SRP68: variants seen among roughly 807,000 people sequenced by gnomAD.
SRP68 encodes the protein signal recognition particle subunit SRP68.
In SRP68, 15 loss-of-function variants were observed where a neutral mutation model predicts 82.2. The ratio of observed to expected loss-of-function variants is 0.18; its 90% CI spans 0.12 to 0.28. The LOEUF is 0.28. SRP68 is among the 10% of genes least tolerant of loss of function. The pLI is 1.00. For missense variants in SRP68, 595 were observed against 780.5 expected (o/e 0.76, Z 2.83); for synonymous variants, 261 against 292.6 (o/e 0.89, Z 1.10).
rs748737249 is a variant in SRP68, at chr17:76,072,471, G to A, written c.21C>T (p.Val7=). ...TGCCGCCGCCGCCGCCGCCGCCTGG[G>A]ACCTGCTTCTCAGCAGCCATCTTGC... MAAEKQ[V]PGGGGGGGSG... The change falls in exon 1 of 16, where the codon GTC becomes GTT. Residue 7 remains valine, a synonymous_variant. Transcript: ENST00000307877. This position sits in a 1 kb window ranked among gnomAD's most constrained non-coding sequence, Gnocchi z 4.5. The A allele has an allele frequency of 3.8e-6, 6 of 1,581,938 alleles. No individual in the cohort carries two copies. In the African/African-American group the frequency reaches 4.0e-5, roughly 11 times the overall value.
intron 14 of SRP68, 110 bp downstream of exon 14, chr17:76,040,793 A>C: frequency 9.5e-7 from 1 of 1,056,410 alleles, no homozygotes; most frequent in Non-Finnish European, 1.4e-6. Flanking sequence ...CATCTTACAG[A>C]TGAACCAAGA....
At chr17:76,050,571 C>T in intron 8 of SRP68, 45 bp from the exon 9 acceptor site, 1 of 1,490,108 alleles carries the variant, frequency 6.7e-7, no homozygotes, top group Non-Finnish European at 9.4e-7. Context: ...TTTGAGCAAA[C>T]CATAGTCACC....
In SRP68 at chr17:76,072,157, G is replaced by T; in HGVS notation, c.184+151C>A. 1 of 1,236,398 alleles carries T rather than the reference G, an allele frequency of 8.1e-7. No homozygotes were observed. Among genetic ancestry groups the T allele is most frequent in the Non-Finnish European group, 1.1e-6 (1 of 900,304 alleles). 76.6% of individuals were successfully genotyped at this position (1,236,398 alleles called of 1,614,324 possible). On this transcript the variant is annotated intron_variant, in intron 1 of 15. Coordinates refer to ENST00000307877, the MANE Select transcript of SRP68 (RefSeq NM_014230.4). The surrounding 1 kb of genome is among the most constrained non-coding windows in gnomAD (Gnocchi z 4.5). ...ACTAGTCGAGAGACAGACCCCCCCC[G>T]GAATTCTGAGCACCAAAAGGTAAGG...
intron 8 of SRP68, chr17:76,053,355 G>A: frequency 1.9e-6 from 1 of 527,350 alleles, no homozygotes; most frequent in Non-Finnish European, 2.4e-6. Context: ...TTAATTCCAT[G>A]CAATCCAACA....
rs199952983 is a variant in SRP68, at chr17:76,039,807, G to A, written c.1783C>T (p.Leu595Phe). 3.4e-5 allele frequency: 55 copies of A among 1,614,126 alleles called. No homozygotes were observed. Among genetic ancestry groups the A allele is most frequent in the Non-Finnish European group, 4.2e-5 (50 of 1,180,060 alleles). Residue 595 changes from leucine to phenylalanine, a missense_variant, in exon 16 of 16, where the codon CTC becomes TTC. Transcript: ENST00000307877. ...AGGGGTGGGAAAGCCACATGGTTGA[G>A]GGCCAGGTCAAAGAACAAAGGCTTG... The part of the protein sequence containing the change: ...PCKPLFFDLA[L>F]NHVAFPPLED...
At chr17:76,056,173 T>C (rs546204371) in intron 8 of SRP68, among the ~76,000 whole-genome samples, 49 of 152,294 alleles carry the variant, frequency 3.2e-4, no homozygotes, top group African/African-American at 1.1e-3. Context: ...GGTACGTGTC[T>C]GTAGCCCCAC....
At chr17:76,070,850 G>GCACATGCACACGCACA (rs149422993) in intron 1 of SRP68, among the ~76,000 whole-genome samples, 1 of 146,780 alleles carries the variant, frequency 6.8e-6, no homozygotes, top group African/African-American at 2.5e-5. Flanking sequence ...ACATGCACAT[G>GCACATGCACACGCACA]CACACACACA....
rs942843034 is a variant in SRP68, at chr17:76,071,003, T to C, written c.185-559A>G. Among the ~76,000 whole-genome samples, 4 of 152,108 alleles carry C rather than the reference T, an allele frequency of 2.6e-5. No homozygotes were observed. Among genetic ancestry groups the C allele is most frequent in the Admixed American group, 6.5e-5 (1 of 15,270 alleles). ...GCCTGAACTGTTACTACTTGCAAAC[T>C]GAAAAAGGAGGGCACTACTGGCCAC... On this transcript the variant is annotated intron_variant, in intron 1 of 15. Coordinates refer to ENST00000307877, the MANE Select transcript of SRP68 (RefSeq NM_014230.4). This position sits in a 1 kb window ranked among gnomAD's most constrained non-coding sequence, Gnocchi z 4.7.
At chr17:76,069,761 T>C (rs1021971772) in intron 2 of SRP68, among the ~76,000 whole-genome samples, 2 of 147,242 alleles carry the variant, frequency 1.4e-5, no homozygotes, top group Admixed American at 6.9e-5. Context: ...TACCAGGGTA[T>C]AGATTATTTA....
chr17:76,050,085 T>C (rs1213483363), intron 9 of SRP68, among the ~76,000 whole-genome samples: 1 of 152,126 alleles, frequency 6.6e-6, no homozygotes. Context: ...GACAAATAGA[T>C]CTGAGGTTTT....
chr17:76,046,202 G>A lies in SRP68; in HGVS notation c.1143-8C>T. The A allele has an allele frequency of 1.2e-6, 2 of 1,613,590 alleles. No individual in the cohort carries two copies. Among genetic ancestry groups the A allele is most frequent in the Non-Finnish European group, 1.7e-6 (2 of 1,179,744 alleles). ...TTGATGTAAGTCAGGTAGCTGGAATGCACCACAAGTCAGCTCAAGTTATAC... is the reference window on the plus strand; with the variant it reads ...TTGATGTAAGTCAGGTAGCTGGAATACACCACAAGTCAGCTCAAGTTATAC... On this transcript the variant is annotated splice_polypyrimidine_tract_variant and splice_region_variant and intron_variant, in intron 10 of 15. Transcript: ENST00000307877.
chr17:76,040,616 G>T, intron 14 of SRP68, 142 bp from the exon 15 acceptor site: 1 of 820,834 alleles, frequency 1.2e-6, no homozygotes, highest in Non-Finnish European at 2.0e-6. Flanking sequence ...GTCTCCTGCT[G>T]AGAAGTGGTG....
rs1204046009 is a variant in SRP68 at position 76,064,125 on chromosome 17, C to A, written c.412G>T (p.Ala138Ser). 16 of 1,614,090 alleles carry A rather than the reference C, an allele frequency of 9.9e-6. No homozygotes were observed. Among genetic ancestry groups the A allele is most frequent in the Non-Finnish European group, 1.3e-5 (15 of 1,180,042 alleles). The stretch of plus-strand genomic sequence containing the variant: ...TTGGCTTCCTGTTTCAGCTGCATGG[C>A]GTAGCTCCAGGCTCTTTCAGCATCC... Reference protein sequence around the residue: ...LMDAERAWSYAMQLKQEANTE... With the variant: ...LMDAERAWSYSMQLKQEANTE... The change falls in exon 4 of 16, where the codon GCC becomes TCC. Residue 138 changes from alanine to serine, a missense_variant. This residue lies in a region of SRP68 where 495 missense variants were observed against 688.6 expected (regional missense o/e 0.72). Transcript: ENST00000307877.
intron 8 of SRP68, among the ~76,000 whole-genome samples, chr17:76,055,123 A>AT (rs113414564): frequency 6.9e-4 from 102 of 147,820 alleles, no homozygotes; most frequent in African/African-American, 2.3e-3. Flanking sequence ...CACCCGGCTA[A>AT]TTTTTTTTTT....
At chr17:76,043,718 C>T (rs1032380979) in intron 13 of SRP68, 111 bp downstream of exon 13, 10 of 1,240,704 alleles carry the variant, frequency 8.1e-6, no homozygotes, top group Non-Finnish European at 1.1e-5. Context: ...CCACGGGCAG[C>T]CAGGGAGGAC....
At chr17:76,060,492 A>G in intron 6 of SRP68, 102 bp from the exon 7 acceptor site, 3 of 734,496 alleles carry the variant, frequency 4.1e-6, no homozygotes, top group Non-Finnish European at 7.1e-6. Flanking sequence ...TCCACATGCT[A>G]CTTCAATGAA....
chr17:76,070,237 A>AAAC, intron 2 of SRP68, 141 bp downstream of exon 2: 1 of 713,460 alleles, frequency 1.4e-6, no homozygotes, highest in Admixed American at 2.9e-5. Context: ...AAAAAAAAAA[A>AAAC]AACAAAGCAA....
intron 3 of SRP68, among the ~76,000 whole-genome samples, chr17:76,066,027 C>T (rs1046031408): frequency 1.6e-4 from 24 of 151,796 alleles, no homozygotes; most frequent in African/African-American, 5.8e-4. Context: ...GTGGCAGCAG[C>T]GTAATTTGGC....
chr17:76,042,029 G>A (rs565695038), intron 13 of SRP68, among the ~76,000 whole-genome samples: 1 of 152,034 alleles, frequency 6.6e-6, no homozygotes, highest in East Asian at 2.0e-4. Flanking sequence ...GACCACAGGC[G>A]CCTGCCACCA....
Sources: gnomAD v4.1 joint callset for allele counts (sites outside exome capture counted in the v4.1 genomes callset) on GRCh38, gnomAD v4.1.1 for gene constraint, gnomAD v4.1.1 regional missense constraint, Gnocchi (gnomAD v3.1) non-coding constraint, MANE v1.5 for transcripts, NCBI Gene and HGNC (gene_info 2026-07-23, HGNC 2026-07-21) for gene names.